Variants in GLT8D2 observed in about 807,000 individuals in gnomAD.
The protein encoded by GLT8D2 is glycosyltransferase 8 domain-containing protein 2.
Under a neutral mutation model 44.5 loss-of-function variants are expected in GLT8D2, and 45 were observed. That is an observed-to-expected ratio of 1.01 (90% CI 0.80 to 1.30). The LOEUF (loss-of-function observed/expected upper bound fraction) is 1.30, where lower values mean the gene tolerates loss of function less well. Ranked by LOEUF, GLT8D2 falls within the 50% of genes most tolerant of loss-of-function variation. The pLI, the probability that GLT8D2 is intolerant of heterozygous loss-of-function variation, is 0.00. For synonymous variants in GLT8D2, 156 were observed against 157.2 expected (o/e 0.99, Z 0.06); for missense variants, 400 against 430.4 (o/e 0.93, Z 0.62).
intron 1 of GLT8D2, among the ~76,000 whole-genome samples, chr12:104,033,448 AG>A (rs374457811): frequency 2.2e-4 from 34 of 152,268 alleles, no homozygotes; most frequent in African/African-American, 7.5e-4. Flanking sequence ...AAATCTACAA[AG>A]TTGAACTTAC....
chr12:104,057,776 T>G (rs1275632076), intron 1 of GLT8D2, among the ~76,000 whole-genome samples: 1 of 152,252 alleles, frequency 6.6e-6, no homozygotes, highest in Non-Finnish European at 1.5e-5. Flanking sequence ...AAGTGAAGAC[T>G]GCCTGTACTT....
At chr12:104,027,230 C>T (rs1220323318) in intron 1 of GLT8D2, among the ~76,000 whole-genome samples, 2 of 152,208 alleles carry the variant, frequency 1.3e-5, no homozygotes, top group East Asian at 3.8e-4. Context: ...AAACAGCACA[C>T]TACTTAGGAT....
intron 4 of GLT8D2, among the ~76,000 whole-genome samples, chr12:104,005,520 TCAAA>T (rs1374206259): frequency 6.6e-6 from 1 of 151,780 alleles, no homozygotes; most frequent in Non-Finnish European, 1.5e-5. Context: ...GACAAAGAAC[TCAAA>T]CAAATTTACA....
chr12:103,999,613 A>T (rs1178065057), intron 5 of GLT8D2, 99 bp from the exon 6 acceptor site: 1 of 729,654 alleles, frequency 1.4e-6, no homozygotes, highest in Non-Finnish European at 2.4e-6. Flanking sequence ...TAGAAAGTTA[A>T]AATTAAAATG....
intron 1 of GLT8D2, among the ~76,000 whole-genome samples, chr12:104,047,340 C>T (rs980322096): frequency 6.9e-6 from 1 of 144,760 alleles, no homozygotes; most frequent in East Asian, 2.1e-4. Flanking sequence ...GTTTCGCTCT[C>T]GTTGCCCAGG....
intron 1 of GLT8D2, among the ~76,000 whole-genome samples, chr12:104,023,879 T>G (rs1878227940): frequency 2.0e-5 from 3 of 152,216 alleles, no homozygotes; most frequent in Non-Finnish European, 4.4e-5. Flanking sequence ...TTGTACCTTT[T>G]TATTGCTGAA....
intron 5 of GLT8D2, among the ~76,000 whole-genome samples, chr12:104,001,698 T>A (rs955802067): frequency 7.1e-5 from 10 of 141,544 alleles, no homozygotes; most frequent in African/African-American, 1.4e-4. Context: ...TTATTTATTT[T>A]TTATTTATTA....
At chr12:103,997,914 TACACACAC>T (rs59719067) in intron 6 of GLT8D2, among the ~76,000 whole-genome samples, 13,433 of 145,770 alleles carry the variant, frequency 0.092, 719 homozygotes, top group East Asian at 0.28. Flanking sequence ...CAGCCTTAAA[TACACACAC>T]ACACACACAC....
At chr12:104,028,297 C>T (rs998099679) in intron 1 of GLT8D2, among the ~76,000 whole-genome samples, 12 of 151,216 alleles carry the variant, frequency 7.9e-5, no homozygotes, top group South Asian at 6.3e-4. Flanking sequence ...TGTGCATGTG[C>T]GTGTGTGTGT....
At chr12:104,038,668 A>G (rs1165985819) in intron 1 of GLT8D2, among the ~76,000 whole-genome samples, 1 of 152,242 alleles carries the variant, frequency 6.6e-6, no homozygotes, top group African/African-American at 2.4e-5. Context: ...ATGGAAGAAC[A>G]TTCCATGTTC....
Position 104,021,924 on chromosome 12 carries a change from GAAGAAGAAGAAGAAGAAGAA to G in GLT8D2, c.-163-453_-163-434del, listed in dbSNP as rs1566202340. On this transcript the variant is annotated intron_variant, in intron 1 of 10. Transcript: ENST00000360814. ...AGAAGAAGAAGAAGAAGAAGAAGAA[GAAGAAGAAGAAGAAGAAGAA>G]GAAGAAGAAGAGGAAGAAGAGGAAG... 3.2e-3 allele frequency among the ~76,000 whole-genome samples: 88 copies of G among 27,284 alleles called. 3 individuals carry two copies. The highest frequency in any genetic ancestry group is 9.9e-3 in the East Asian group (5 of 504). The allele number at this position is 27,284 out of a possible 152,430, so 17.9% of individuals were successfully genotyped here. A position where few individuals can be genotyped will look rare whatever the true frequency, so the allele number is the denominator to read the frequency against.
At chr12:103,990,419 C>T (rs923657177) in intron 10 of GLT8D2, among the ~76,000 whole-genome samples, 23 of 152,014 alleles carry the variant, frequency 1.5e-4, no homozygotes, top group African/African-American at 3.9e-4. Flanking sequence ...GTCATGACTT[C>T]GAGAGACTAT....
At chr12:104,009,000 G>A (rs1875465011) in intron 4 of GLT8D2, among the ~76,000 whole-genome samples, 1 of 152,252 alleles carries the variant, frequency 6.6e-6, no homozygotes, top group Non-Finnish European at 1.5e-5. Flanking sequence ...GCAGGGGCGG[G>A]GGCCTCATGG....
chr12:104,034,002 T>C lies in GLT8D2; in HGVS notation c.-163-12511A>G, dbSNP rs138533330. Among the ~76,000 whole-genome samples, 338 of 152,210 alleles carry C rather than the reference T, an allele frequency of 2.2e-3. 2 individuals are homozygous for C. Among genetic ancestry groups the C allele is most frequent in the African/African-American group, 6.7e-3 (280 of 41,502 alleles). On this transcript the variant is annotated intron_variant, in intron 1 of 10. Coordinates refer to ENST00000360814, the MANE Select transcript of GLT8D2 (RefSeq NM_001384711.1). Reference sequence around the variant, plus strand: ...TTGGCTGAATATATACATTTTTTATTTGTTAATTATACCTCAATAAAGCTG... The same window carrying C: ...TTGGCTGAATATATACATTTTTTATCTGTTAATTATACCTCAATAAAGCTG...
intron 4 of GLT8D2, among the ~76,000 whole-genome samples, chr12:104,008,199 G>C (rs192510795): frequency 3.3e-5 from 5 of 152,308 alleles, no homozygotes; most frequent in African/African-American, 1.2e-4. Flanking sequence ...GAAAATGTAG[G>C]AAAGGTTGGA....
chr12:104,032,602 C>T (rs1299055913), intron 1 of GLT8D2, among the ~76,000 whole-genome samples: 1 of 151,566 alleles, frequency 6.6e-6, no homozygotes, highest in Non-Finnish European at 1.5e-5. Context: ...AAATCCAAAC[C>T]ACAATAGGAT....
chr12:104,055,471 A>G (rs868050023), intron 1 of GLT8D2, among the ~76,000 whole-genome samples: 5 of 152,216 alleles, frequency 3.3e-5, no homozygotes, highest in Non-Finnish European at 5.9e-5. Context: ...CTAACTACTC[A>G]TGGAAAATCT....
rs1191135400 is a variant in GLT8D2 at position 103,992,749 on chromosome 12, C to A, written c.880+643G>T. Among the ~76,000 whole-genome samples the A allele has an allele frequency of 3.3e-5, 5 of 152,238 alleles. No individual in the cohort carries two copies. The South Asian group carries it at 8.3e-4, about 25-fold the overall frequency. On this transcript the variant is annotated intron_variant, in intron 10 of 10. Transcript: ENST00000360814. The stretch of plus-strand genomic sequence containing the variant: ...TCAGGTTATCCACCCTCCTCAGCCT[C>A]CCAAAGTGCTGGGATTACAAGCGTG...
intron 4 of GLT8D2, among the ~76,000 whole-genome samples, chr12:104,009,538 A>C (rs1270967850): frequency 6.6e-6 from 1 of 152,124 alleles, no homozygotes; most frequent in Non-Finnish European, 1.5e-5. Context: ...TGGATTGTGG[A>C]GTTTTGAGTT....
Sources: gnomAD v4.1 joint callset for allele counts (sites outside exome capture counted in the v4.1 genomes callset) on GRCh38, gnomAD v4.1.1 for gene constraint, MANE v1.5 for transcripts, NCBI Gene and HGNC (gene_info 2026-07-23, HGNC 2026-07-21) for gene names.